The following ACSS1 variants were observed in gnomAD, a reference collection of about 807,000 sequenced individuals.
The protein encoded by ACSS1 is acyl-CoA synthetase short chain family member 1, also known as acetyl-coenzyme A synthetase 2-like, mitochondrial.
Under a neutral mutation model 75.3 loss-of-function variants are expected in ACSS1, and 42 were observed. The observed-to-expected ratio is 0.56, with a 90% CI of 0.44 to 0.72. ACSS1 has a LOEUF of 0.72. Ranked by LOEUF, ACSS1 falls within the 30% of genes least tolerant of loss-of-function variation. The pLI, the probability that ACSS1 is intolerant of heterozygous loss-of-function variation, is 0.00. For missense variants in ACSS1, 782 were observed against 935.7 expected (o/e 0.84, Z 2.14); for synonymous variants, 380 against 376.8 (o/e 1.01, Z -0.10).
At chr20:25,048,847 C>T (rs572157858) in intron 1 of ACSS1, among the ~76,000 whole-genome samples, 3 of 152,204 alleles carry the variant, frequency 2.0e-5, no homozygotes, top group African/African-American at 4.8e-5. Context: ...TGTGGCACAC[C>T]GTGAGACTGA....
intron 2 of ACSS1, among the ~76,000 whole-genome samples, chr20:25,043,235 C>G (rs1174409919): frequency 6.6e-6 from 1 of 152,214 alleles, no homozygotes; most frequent in Non-Finnish European, 1.5e-5. Context: ...CCTTCTCCAC[C>G]TAAGTGTCTG....
At chr20:25,008,337 C>G (rs56332860) in intron 13 of ACSS1, among the ~76,000 whole-genome samples, 14,452 of 152,314 alleles carry the variant, frequency 0.095, 767 homozygotes, top group Middle Eastern at 0.12. Flanking sequence ...GTGAGAACTA[C>G]TTAAGAGAAA....
In ACSS1 at chr20:25,007,791, A is replaced by G. The variant is rs1485877700; in HGVS notation, c.2041T>C (p.Cys681Arg). 1 of 1,614,154 alleles carries G rather than the reference A, an allele frequency of 6.2e-7. No individual in the cohort carries two copies. The highest frequency in any genetic ancestry group is 1.1e-5 in the South Asian group (1 of 91,082). Residue 681 changes from cysteine (C) to arginine (R), a missense_variant, in exon 14 of 14, where the codon TGC becomes CGC. Cys to Arg is a radical substitution (Grantham distance 180). This residue lies in a region of ACSS1 where 405 missense variants were observed against 552.6 expected (regional missense o/e 0.73). Coordinates refer to ENST00000323482, the MANE Select transcript of ACSS1 (RefSeq NM_032501.4). ...IAEILSVYQK[C>R]KDKQAAAK is the part of the protein sequence containing the mutation. ...TTAGCAGCAGCCTGCTTGTCCTTGC[A>G]CTTCTGGTAGACACTCAGGATCTCT...
intron 2 of ACSS1, among the ~76,000 whole-genome samples, chr20:25,031,976 C>T (rs2088831120): frequency 2.6e-5 from 4 of 152,212 alleles, no homozygotes; most frequent in Admixed American, 2.6e-4. Context: ...TGCAAAGCCA[C>T]AGTGAGTTGG....
chr20:25,055,552 G>A (rs973397756), intron 1 of ACSS1, among the ~76,000 whole-genome samples: 6 of 152,318 alleles, frequency 3.9e-5, no homozygotes, highest in South Asian at 2.1e-4. Context: ...TCTCAAGCCC[G>A]AGTGTCCTCT....
intron 2 of ACSS1, 22 bp from the exon 3 acceptor site, chr20:25,030,980 G>A: frequency 6.2e-7 from 1 of 1,611,806 alleles, no homozygotes; most frequent in South Asian, 1.1e-5. Context: ...GGAAGAGAAA[G>A]CCATCAGAGA....
At chr20:25,027,737 C>A (rs1268041596) in intron 3 of ACSS1, among the ~76,000 whole-genome samples, 5 of 120,490 alleles carry the variant, frequency 4.1e-5, no homozygotes, top group African/African-American at 1.3e-4. Flanking sequence ...TTCACCACTG[C>A]AATTCAACAT....
At chr20:25,036,329 A>G (rs1292206985) in intron 2 of ACSS1, among the ~76,000 whole-genome samples, 1 of 152,206 alleles carries the variant, frequency 6.6e-6, no homozygotes, top group Non-Finnish European at 1.5e-5. Flanking sequence ...CTTAACATCA[A>G]TTGGGAATAA....
At position 25,032,377 on chromosome 20, in the gene ACSS1, C is replaced by T. The variant is rs976267357; in HGVS notation, c.432-1419G>A. 2.5e-5 allele frequency: 34 copies of T among 1,368,542 alleles called. No individual in the cohort carries two copies. In the African/African-American group the frequency reaches 2.5e-4, roughly 10 times the overall value. The allele number at this position is 1,368,542 out of a possible 1,614,324, so 84.8% of individuals were successfully genotyped here. ...GAGAGCCGCCAACTTGCCGGCCATG[C>T]GGTGCGAAGTGGAGGAAGTGGAAGC... On this transcript the variant is annotated intron_variant, in intron 2 of 13. Coordinates refer to ENST00000323482, the MANE Select transcript of ACSS1 (RefSeq NM_032501.4).
chr20:25,047,259 C>T (rs927219458), intron 2 of ACSS1, among the ~76,000 whole-genome samples: 18 of 152,214 alleles, frequency 1.2e-4, no homozygotes, highest in Admixed American at 8.5e-4. Context: ...CACGTCCCCT[C>T]GCTCCTGTGT....
intron 2 of ACSS1, among the ~76,000 whole-genome samples, chr20:25,035,018 C>T (rs1346854091): frequency 1.3e-5 from 2 of 151,882 alleles, no homozygotes; most frequent in Non-Finnish European, 1.5e-5. Flanking sequence ...TCAGCCCAGC[C>T]GGAGTAGCTG....
At chr20:25,015,261 A>C (rs568036693) in intron 7 of ACSS1, 31 bp from the exon 8 acceptor site, 1 of 1,549,926 alleles carries the variant, frequency 6.5e-7, no homozygotes, top group South Asian at 1.2e-5. Context: ...AAAGATGTTA[A>C]CAGGCTGCAA....
At chr20:25,015,344 T>C (rs897947852) in intron 7 of ACSS1, 114 bp from the exon 8 acceptor site, 19 of 836,890 alleles carry the variant, frequency 2.3e-5, no homozygotes, top group Admixed American at 5.3e-5. Context: ...TGAGTCTCAC[T>C]CTGTCTCCCA....
At chr20:25,044,243 G>A (rs6115013) in intron 2 of ACSS1, among the ~76,000 whole-genome samples, 19,327 of 152,202 alleles carry the variant, frequency 0.13, 1,300 homozygotes, top group African/African-American at 0.16. Flanking sequence ...CCGCTTTTCC[G>A]AAAGAGAGGA....
At chr20:25,021,573 C>T in intron 5 of ACSS1, 37 bp from the exon 6 acceptor site, 1 of 1,604,498 alleles carries the variant, frequency 6.2e-7, no homozygotes, top group Non-Finnish European at 8.5e-7. Context: ...GAGCTTGTCC[C>T]CCCACTCCAC....
At chr20:25,049,394 G>A (rs1429619422) in intron 1 of ACSS1, among the ~76,000 whole-genome samples, 3 of 152,102 alleles carry the variant, frequency 2.0e-5, no homozygotes, top group Admixed American at 2.0e-4. Flanking sequence ...GCAAAAAGAA[G>A]GAGCATACAA....
chr20:25,012,445 T>A (rs2088426106), intron 12 of ACSS1, 156 bp downstream of exon 12: 6 of 908,264 alleles, frequency 6.6e-6, no homozygotes, highest in Non-Finnish European at 1.0e-5. Flanking sequence ...TTCAGCCTCC[T>A]CCCCTACAGT....
At chr20:25,048,709 C>T (rs1201460417) in intron 1 of ACSS1, among the ~76,000 whole-genome samples, 1 of 152,246 alleles carries the variant, frequency 6.6e-6, no homozygotes, top group Non-Finnish European at 1.5e-5. Flanking sequence ...TCCACGAGCA[C>T]CCAGTAAACC....
chr20:25,035,937 T>C (rs971177483), intron 2 of ACSS1, among the ~76,000 whole-genome samples: 6 of 152,244 alleles, frequency 3.9e-5, no homozygotes, highest in Non-Finnish European at 8.8e-5. Context: ...TTACTGTTTC[T>C]GTATCAGAAA....
Sources: gnomAD v4.1 joint callset for allele counts (sites outside exome capture counted in the v4.1 genomes callset) on GRCh38, gnomAD v4.1.1 for gene constraint, gnomAD v4.1.1 regional missense constraint, MANE v1.5 for transcripts, NCBI Gene and HGNC (gene_info 2026-07-23, HGNC 2026-07-21) for gene names.